The following ZNF566 variants were observed in gnomAD, a reference collection of about 807,000 sequenced individuals.
The protein encoded by ZNF566 is zinc finger protein 566.
ZNF566 carries 27 observed loss-of-function variants against 32.8 expected under a neutral mutation model. The observed-to-expected ratio is 0.82, with a 90% confidence interval of 0.61 to 1.14. The LOEUF (loss-of-function observed/expected upper bound fraction) is 1.14. Among genes scored for constraint, ZNF566 ranks in the 50% most tolerant of loss-of-function variants. The probability of loss-of-function intolerance (pLI) is 0.00; values close to 1 mark genes in which losing one functional copy is unlikely to be tolerated. For synonymous variants in ZNF566, 154 were observed against 159.5 expected, an observed-to-expected ratio of 0.97 and a Z score of 0.26; for missense variants, 402 against 490.4, an observed-to-expected ratio of 0.82 and a Z score of 1.70.
In ZNF566 at chr19:36,448,309, T is replaced by C. The variant is rs1185699234; in HGVS notation, c.*668A>G. 6.6e-6 allele frequency: 1 copy of C among 152,164 alleles called. No homozygotes were observed. Among genetic ancestry groups the C allele is most frequent in the East Asian group, 1.9e-4 (1 of 5,196 alleles). 9.4% of individuals were successfully genotyped at this position (152,164 alleles called of 1,614,324 possible). ...TATTTTGGCATGTATTATGGCAAAATATCTAGAGGAGACTACGATATCCAC... is the reference window on the plus strand; with the variant it reads ...TATTTTGGCATGTATTATGGCAAAACATCTAGAGGAGACTACGATATCCAC... On this transcript the variant is annotated 3_prime_UTR_variant, in exon 5 of 5. Transcript: ENST00000452939.
At position 36,477,526 on chromosome 19, in the gene ZNF566, G is replaced by GTTTTTTTTTTTTTTTTTTTTTTTTT. The variant is rs767741591; in HGVS notation, c.-59-911_-59-910insAAAAAAAAAAAAAAAAAAAAAAAAA. Among the ~76,000 whole-genome samples, 8 of 107,000 alleles carry GTTTTTTTTTTTTTTTTTTTTTTTTT rather than the reference G, an allele frequency of 7.5e-5. 4 individuals carry two copies. Among genetic ancestry groups the GTTTTTTTTTTTTTTTTTTTTTTTTT allele is most frequent in the Non-Finnish European group, 7.8e-5 (4 of 51,010 alleles). 70.2% of individuals were successfully genotyped at this position (107,000 alleles called of 152,430 possible). A position where few individuals can be genotyped will look rare whatever the true frequency, so the allele number is the denominator to read the frequency against. On this transcript the variant is annotated intron_variant, in intron 1 of 4. Coordinates refer to ENST00000452939, the MANE Select transcript of ZNF566 (RefSeq NM_001145344.1). ...TGGGTCAAACCAGTTTTCTGTTTCT[G>GTTTTTTTTTTTTTTTTTTTTTTTTT]TTTTTTTTTTGTTTGTTTGTTTGTT...
intron 4 of ZNF566, among the ~76,000 whole-genome samples, chr19:36,463,537 CTTT>C (rs56787323): frequency 9.4e-6 from 1 of 106,284 alleles, no homozygotes. Context: ...AATGTAATTT[CTTT>C]TTTTTTTTTT....
Position 36,472,918 on chromosome 19 carries a change from C to T in ZNF566, c.225G>A (p.Gln75=). 1 of 1,613,146 alleles carries T rather than the reference C, an allele frequency of 6.2e-7. No individual in the cohort carries two copies. Among genetic ancestry groups the T allele is most frequent in the Non-Finnish European group, 8.5e-7 (1 of 1,179,654 alleles). ...WLADRELTRG[Q]WPVLESRCET... The stretch of plus-strand genomic sequence containing the variant: ...CTGCTGTGCCTCACTTACCTGGCCA[C>T]TGGCCTCTTGTTAGCTCTCTGTCAG... The change falls in exon 4 of 5, where the codon CAG becomes CAA. Residue 75 remains glutamine, a synonymous_variant. Coordinates refer to ENST00000452939, the MANE Select transcript of ZNF566 (RefSeq NM_001145344.1).
At chr19:36,462,582 T>C (rs1475026490) in intron 4 of ZNF566, among the ~76,000 whole-genome samples, 1 of 151,916 alleles carries the variant, frequency 6.6e-6, no homozygotes, top group Non-Finnish European at 1.5e-5. Flanking sequence ...GCTTCCACTA[T>C]TGCTGCTGCT....
chr19:36,476,460 T>G (rs888304002), intron 2 of ZNF566, 89 bp downstream of exon 2: 2 of 1,113,064 alleles, frequency 1.8e-6, no homozygotes, highest in African/African-American at 3.4e-5. Flanking sequence ...TTTTCTAACA[T>G]CAAAAAGCAT....
At chr19:36,477,526 G>GTTTTTTT (rs767741591) in intron 1 of ZNF566, among the ~76,000 whole-genome samples, 2,142 of 106,668 alleles carry the variant, frequency 0.02, 400 homozygotes, top group Non-Finnish European at 0.028. Context: ...TTCTGTTTCT[G>GTTTTTTT]TTTTTTTTTT....
At position 36,449,746 on chromosome 19, in the gene ZNF566, A is replaced by C; in HGVS notation, c.488T>G (p.Ile163Ser). The C allele has an allele frequency of 6.2e-7, 1 of 1,614,050 alleles. No homozygotes were observed. The highest frequency in any genetic ancestry group is 8.5e-7 in the Non-Finnish European group (1 of 1,180,000). Residue 163 changes from isoleucine to serine, a missense_variant, in exon 5 of 5, where the codon ATC becomes AGC. Transcript: ENST00000452939. ...ACAGAATTTCTTTTTACTGTTAATG[A>C]TTTGCTGTAATGTGAAGGATGGATG... ...SHHPSFTLQQ[I>S]INSKKKFCAS...
chr19:36,478,092 C>T (rs1346702377), intron 1 of ZNF566, among the ~76,000 whole-genome samples: 1 of 152,030 alleles, frequency 6.6e-6, no homozygotes, highest in Non-Finnish European at 1.5e-5. Flanking sequence ...ATAAAACTGA[C>T]CACCCAGAAA....
In ZNF566 at chr19:36,448,805, A is replaced by G; in HGVS notation, c.*172T>C. ...GCGTTTAGTTAAGGGCTTCCAAAGT[A>G]TATTCTATTCATAGAGTATTTCTCC... On this transcript the variant is annotated 3_prime_UTR_variant, in exon 5 of 5. Coordinates refer to ENST00000452939, the MANE Select transcript of ZNF566 (RefSeq NM_001145344.1). 1 of 568,218 alleles carries G rather than the reference A, an allele frequency of 1.8e-6. No individual in the cohort carries two copies. The highest frequency in any genetic ancestry group is 3.1e-5 in the East Asian group (1 of 32,696). 35.2% of individuals were successfully genotyped at this position (568,218 alleles called of 1,614,324 possible).
Position 36,476,979 on chromosome 19 carries a change from T to C in ZNF566, c.-59-363A>G, listed in dbSNP as rs748605845. On this transcript the variant is annotated intron_variant, in intron 1 of 4. Transcript: ENST00000452939. ...TTACATAACTGGTTTAATAGCTACA[T>C]TGCAGTCCATTAAATGGATATAACT... is the stretch of plus-strand genomic sequence containing the variant. Among the ~76,000 whole-genome samples the C allele has an allele frequency of 1.4e-4, 21 of 152,180 alleles. 1 individual carries two copies. Among genetic ancestry groups the C allele is most frequent in the Non-Finnish European group, 2.4e-4 (16 of 68,034 alleles).
intron 4 of ZNF566, among the ~76,000 whole-genome samples, chr19:36,466,662 A>G (rs766214775): frequency 6.6e-5 from 10 of 152,240 alleles, no homozygotes; most frequent in East Asian, 3.8e-4. Flanking sequence ...GCTCACAGAA[A>G]AGAAAACCGT....
At chr19:36,453,383 G>C (rs955198014) in intron 4 of ZNF566, among the ~76,000 whole-genome samples, 1 of 151,194 alleles carries the variant, frequency 6.6e-6, no homozygotes, top group Non-Finnish European at 1.5e-5. Flanking sequence ...TGAGGCAGGA[G>C]AATCACTTGA....
intron 2 of ZNF566, among the ~76,000 whole-genome samples, chr19:36,474,594 C>T (rs1027663902): frequency 1.3e-4 from 20 of 152,024 alleles, no homozygotes; most frequent in African/African-American, 4.1e-4. Context: ...GTGGGTTTAT[C>T]GAAAAATGGT....
At chr19:36,473,053 T>A in intron 3 of ZNF566, 47 bp from the exon 4 acceptor site, 2 of 1,532,054 alleles carry the variant, frequency 1.3e-6, no homozygotes, top group African/African-American at 2.7e-5. Flanking sequence ...GAGCATATCC[T>A]AGAATTCAAA....
chr19:36,449,892 C>T lies in ZNF566; in HGVS notation c.342G>A (p.Gln114=). The T allele has an allele frequency of 1.2e-6, 2 of 1,614,118 alleles. No homozygotes were observed. Among genetic ancestry groups the T allele is most frequent in the Non-Finnish European group, 1.7e-6 (2 of 1,180,022 alleles). Residue 114 remains glutamine, a synonymous_variant, in exon 5 of 5, where the codon CAG becomes CAA. Coordinates refer to ENST00000452939, the MANE Select transcript of ZNF566 (RefSeq NM_001145344.1). The stretch of plus-strand genomic sequence containing the variant: ...CCCAATCATCTCTGAAACTGGAGCA[C>T]TGAAAATCACGTCTTGTGAGTTTTT... The part of the protein sequence containing the change: ...IMEKLTRRDF[Q]CSSFRDDWEC...
chr19:36,457,708 A>C (rs1323183094), intron 4 of ZNF566, among the ~76,000 whole-genome samples: 4 of 152,184 alleles, frequency 2.6e-5, no homozygotes, highest in Non-Finnish European at 5.9e-5. Flanking sequence ...CCTGACCAAC[A>C]TGATGAAATC....
At chr19:36,466,051 AC>A (rs891105479) in intron 4 of ZNF566, among the ~76,000 whole-genome samples, 1 of 151,974 alleles carries the variant, frequency 6.6e-6, no homozygotes, top group African/African-American at 2.4e-5. Flanking sequence ...ATTTCCTATC[AC>A]TGAAAAAAAA....
chr19:36,480,669 A>G (rs1478167833), intron 1 of ZNF566, among the ~76,000 whole-genome samples: 1 of 150,570 alleles, frequency 6.6e-6, no homozygotes, highest in Non-Finnish European at 1.5e-5. Flanking sequence ...AAAAAAAATT[A>G]ACCTTTACCC....
rs193103988 is a variant in ZNF566 at position 36,468,054 on chromosome 19, G to A, written c.232+4857C>T. Among the ~76,000 whole-genome samples the A allele has an allele frequency of 5.0e-3, 756 of 150,622 alleles. 25 individuals carry two copies. The highest frequency in any genetic ancestry group is 0.017 in the African/African-American group (707 of 40,692). On this transcript the variant is annotated intron_variant, in intron 4 of 4. Transcript: ENST00000452939. ...TACAAAATTAGCCGGGCGTGGTGGC[G>A]CATGCCTGTAATCCCAGCTACTTCG...
Sources: allele counts gnomAD v4.1 joint callset (sites outside exome capture counted in the v4.1 genomes callset), GRCh38; gene constraint gnomAD v4.1.1; transcripts MANE v1.5; gene names NCBI Gene and HGNC (gene_info 2026-07-23, HGNC 2026-07-21).